Variants in RNF212 observed in about 807,000 individuals in gnomAD.
RNF212 encodes the protein probable E3 SUMO-protein ligase RNF212.
RNF212 carries 33 observed loss-of-function variants against 34.7 expected under a neutral mutation model. That is an observed-to-expected ratio of 0.95 (90% CI 0.72 to 1.27). The LOEUF is 1.27. Ranked by LOEUF, RNF212 falls within the 50% of genes most tolerant of loss-of-function variation. The pLI is 0.00. For missense variants in RNF212, 377 were observed against 362.2 expected, an observed-to-expected ratio of 1.04 and a Z score of -0.33; for synonymous variants, 140 against 136.1, an observed-to-expected ratio of 1.03 and a Z score of -0.20.
intron 7 of RNF212, among the ~76,000 whole-genome samples, chr4:1,080,753 G>A (rs537190197): frequency 3.9e-5 from 6 of 152,274 alleles, no homozygotes; most frequent in East Asian, 1.9e-4. Flanking sequence ...CCCCACAGGC[G>A]CCCTCCCTGT....
rs150414849 is a variant in RNF212, at chr4:1,064,967, CAG to C, written n.148-6576_148-6575del. Among the ~76,000 whole-genome samples the C allele has an allele frequency of 7.6e-3, 1,156 of 152,364 alleles. 13 individuals carry two copies. Among genetic ancestry groups the C allele is most frequent in the African/African-American group, 0.026 (1,099 of 41,592 alleles). On this transcript the variant is annotated intron_variant and non_coding_transcript_variant, in intron 3 of 4. Coordinates refer to the RNF212 transcript ENST00000503206. ...TGTTCATCCACGCGGTAGCGTGTGC[CAG>C]AGTTTCCTTCCATTTTAAGGCTGAA... is the stretch of plus-strand genomic sequence containing the variant.
chr4:1,070,752 C>T (rs1320140643), downstream of RNF212, among the ~76,000 whole-genome samples: 2 of 152,152 alleles, frequency 1.3e-5, no homozygotes, highest in African/African-American at 4.8e-5. Flanking sequence ...TGGTTTTTAG[C>T]GATGCTAGGG....
At chr4:1,058,061 TAAA>T (rs71168806) in intron 4 of RNF212, among the ~76,000 whole-genome samples, 1 of 148,486 alleles carries the variant, frequency 6.7e-6, no homozygotes, top group African/African-American at 2.5e-5. Context: ...AGACTCCGGC[TAAA>T]AAAAAAAAAA....
At chr4:1,073,842 G>A in intron 8 of RNF212, 180 bp from the exon 9 acceptor site, 1 of 623,576 alleles carries the variant, frequency 1.6e-6, no homozygotes, top group Non-Finnish European at 2.9e-6. Flanking sequence ...GCCTGCTGGT[G>A]GTAGAGGTGG....
intron 2 of RNF212, among the ~76,000 whole-genome samples, chr4:1,097,676 C>T (rs577253549): frequency 6.8e-4 from 103 of 152,278 alleles, no homozygotes; most frequent in Middle Eastern, 6.8e-3. Flanking sequence ...CCTCCCTGCA[C>T]CTCTGGCCTT....
Position 1,084,011 on chromosome 4 carries a change from T to G in RNF212, c.362+1885A>C, listed in dbSNP as rs954035583. Among the ~76,000 whole-genome samples the G allele has an allele frequency of 2.7e-5, 4 of 148,936 alleles. No individual in the cohort carries two copies. In the Admixed American group the frequency reaches 2.7e-4, roughly 10 times the overall value. On this transcript the variant is annotated intron_variant, in intron 5 of 9. Transcript: ENST00000433731. ...TTACCCAGGCTGGAGTGCAATGGCATGATCTTGGCTCACCGCAACCTCTGC... is the reference window on the plus strand; with the variant it reads ...TTACCCAGGCTGGAGTGCAATGGCAGGATCTTGGCTCACCGCAACCTCTGC...
chr4:1,058,383 G>C, exon 4 of RNF212: 1 of 982,498 alleles, frequency 1.0e-6, no homozygotes, highest in Non-Finnish European at 1.2e-6. Context: ...GGCCCAGGGA[G>C]GAGACGCTGC....
chr4:1,057,535 TACTG>T, intron 4 of RNF212, among the ~76,000 whole-genome samples: 2 of 152,262 alleles, frequency 1.3e-5, no homozygotes, highest in South Asian at 4.2e-4. Context: ...AATAAAGTTT[TACTG>T]GAACCCAGCC....
intron 8 of RNF212, among the ~76,000 whole-genome samples, chr4:1,079,211 A>G (rs6845701): frequency 0.62 from 77,317 of 124,748 alleles, 24,708 homozygotes; most frequent in Middle Eastern, 0.72. Flanking sequence ...ACCAACATAG[A>G]GTCAACACAG....
chr4:1,085,996 G>C, intron 4 of RNF212, 42 bp from the exon 5 acceptor site: 2 of 1,382,184 alleles, frequency 1.4e-6, no homozygotes, highest in Non-Finnish European at 2.1e-6. Flanking sequence ...GACAGGCTAT[G>C]CTGAGTGACA....
intron 3 of RNF212, chr4:1,093,554 T>C (rs754545329): frequency 2.4e-4 from 165 of 694,096 alleles, no homozygotes; most frequent in Non-Finnish European, 3.1e-4. Context: ...CCACGGCCCA[T>C]GCCGGAAGCC....
intron 9 of RNF212, 51 bp downstream of exon 9, chr4:1,073,548 C>T (rs775591264): frequency 7.8e-7 from 1 of 1,276,282 alleles, no homozygotes; most frequent in Non-Finnish European, 1.1e-6. Context: ...TCAGGGAATG[C>T]ATTTTAATCG....
rs192018387 is a variant in RNF212, at chr4:1,057,309, C to T, written n.221-806G>A. Among the ~76,000 whole-genome samples, 1,077 of 152,284 alleles carry T rather than the reference C, an allele frequency of 7.1e-3. 10 individuals are homozygous for T. Among genetic ancestry groups the T allele is most frequent in the Middle Eastern group, 0.017 (5 of 294 alleles). On this transcript the variant is annotated intron_variant and non_coding_transcript_variant, in intron 4 of 4. Transcript: ENST00000503206. ...TGGACTGCAGGCATCAAAAGCCACT[C>T]AAGGGCTCTGGGGGGCTGACATGGG...
At chr4:1,060,583 C>T (rs760575344) in intron 3 of RNF212, among the ~76,000 whole-genome samples, 5 of 152,198 alleles carry the variant, frequency 3.3e-5, no homozygotes, top group Admixed American at 2.0e-4. Flanking sequence ...TCCAGCGCAG[C>T]GGTCTCCGTT....
intron 9 of RNF212, 24 bp from the exon 10 acceptor site, chr4:1,073,217 C>T (rs555010438): frequency 1.2e-5 from 20 of 1,608,020 alleles, no homozygotes; most frequent in East Asian, 6.7e-5. Context: ...CAGGAGACAG[C>T]GTGTGGGGAG....
intron 2 of RNF212, chr4:1,099,666 G>T: frequency 2.3e-6 from 1 of 442,854 alleles, no homozygotes; most frequent in South Asian, 1.6e-5. Flanking sequence ...TAAAAGGGGG[G>T]TGTGTGCGCC....
At chr4:1,075,860 G>T (rs1560104448) in intron 8 of RNF212, among the ~76,000 whole-genome samples, 1 of 151,994 alleles carries the variant, frequency 6.6e-6, no homozygotes, top group Non-Finnish European at 1.5e-5. Flanking sequence ...ATGGGGTCTT[G>T]CCATGTCACC....
chr4:1,079,523 G>C, intron 8 of RNF212, 120 bp downstream of exon 8: 1 of 771,676 alleles, frequency 1.3e-6, no homozygotes, highest in Non-Finnish European at 2.3e-6. Flanking sequence ...ACACGAAGCA[G>C]CAGCACTGTG....
intron 2 of RNF212, among the ~76,000 whole-genome samples, chr4:1,097,568 G>T (rs1436852778): frequency 6.6e-6 from 1 of 152,058 alleles, no homozygotes; most frequent in Non-Finnish European, 1.5e-5. Flanking sequence ...TTACGCCACT[G>T]CACTCCAGCC....
Sources: allele counts gnomAD v4.1 joint callset (sites outside exome capture counted in the v4.1 genomes callset), GRCh38; gene constraint gnomAD v4.1.1; transcripts MANE v1.5; gene names NCBI Gene and HGNC (gene_info 2026-07-23, HGNC 2026-07-21).